SNX19: variants seen among roughly 807,000 people sequenced by gnomAD.
The protein encoded by SNX19 is sorting nexin-19.
A neutral mutation model predicts 85.2 loss-of-function variants in SNX19; 60 were observed. That is an observed-to-expected ratio of 0.70 (90% CI 0.57 to 0.87). SNX19 has a LOEUF of 0.87. Ranked by LOEUF, SNX19 falls within the 40% of genes least tolerant of loss-of-function variation. The probability of loss-of-function intolerance (pLI) is 0.00; values close to 1 mark genes in which losing one functional copy is unlikely to be tolerated. For missense variants in SNX19, 1,201 were observed against 1,217.8 expected (o/e 0.99, Z 0.21); for synonymous variants, 520 against 470.0 (o/e 1.11, Z -1.38).
At chr11:130,889,149 C>T (rs1944308905) in intron 8 of SNX19, among the ~76,000 whole-genome samples, 1 of 152,100 alleles carries the variant, frequency 6.6e-6, no homozygotes, top group Non-Finnish European at 1.5e-5. Flanking sequence ...ACAACCTCAG[C>T]TCCTTCTGAG....
In SNX19 at chr11:130,868,575, C is replaced by A. The variant is rs569181691; in HGVS notation, c.*9847G>T. 5 of 152,138 alleles carry A rather than the reference C, an allele frequency of 3.3e-5. No individual in the cohort carries two copies. Among genetic ancestry groups the A allele is most frequent in the Non-Finnish European group, 5.9e-5 (4 of 68,036 alleles). 9.4% of individuals were successfully genotyped at this position (152,138 alleles called of 1,614,324 possible). A position where few individuals can be genotyped will look rare whatever the true frequency, so the allele number is the denominator to read the frequency against. ...GCTAGCTGGTTACTGTAGCAACAGG[C>A]CTTCAAAGCTTCACATTTCAAATGG... On this transcript the variant is annotated 3_prime_UTR_variant, in exon 11 of 11. Transcript: ENST00000265909.
chr11:130,897,945 G>T (rs1007107186), intron 8 of SNX19, among the ~76,000 whole-genome samples: 4 of 152,176 alleles, frequency 2.6e-5, no homozygotes, highest in African/African-American at 9.7e-5. Flanking sequence ...TCCCAGCACA[G>T]AAGCTGACAC....
chr11:130,891,965 C>T lies in SNX19; in HGVS notation c.2574-11159G>A, dbSNP rs544933765. ...AAGTGATTCTCTTGCCTCAGCCTCC[C>T]GAGTACCTGGGACTAAGGGCATGCG... On this transcript the variant is annotated intron_variant, in intron 8 of 10. Coordinates refer to ENST00000265909, the MANE Select transcript of SNX19 (RefSeq NM_014758.3). Among the ~76,000 whole-genome samples, 21 of 151,694 alleles carry T rather than the reference C, an allele frequency of 1.4e-4. 1 individual carries two copies. The East Asian group carries it at 3.5e-3, about 25-fold the overall frequency.
At position 130,908,028 on chromosome 11, in the gene SNX19, G is replaced by A. The variant is rs904778130; in HGVS notation, c.2090C>T (p.Pro697Leu). 5 of 1,614,124 alleles carry A rather than the reference G, an allele frequency of 3.1e-6. No homozygotes were observed. The Admixed American group carries it at 5.0e-5, about 16-fold the overall frequency. Residue 697 changes from proline to leucine, a missense_variant, in exon 5 of 11, where the codon CCC (proline) becomes CTC (leucine). Pro to Leu is a moderately conservative substitution (Grantham distance 98). Transcript: ENST00000265909. ...TLKTAFPRSE[P>L]QSPTEELSEA... ...ACTCAGCTCCTCTGTGGGGCTCTGGGGTTCAGAGCGAGGAAACGCTGTCTT... is the reference window on the plus strand; with the variant it reads ...ACTCAGCTCCTCTGTGGGGCTCTGGAGTTCAGAGCGAGGAAACGCTGTCTT...
chr11:130,866,968 A>G lies in SNX19; in HGVS notation c.*11454T>C, dbSNP rs1416833776. The G allele has an allele frequency of 2.0e-5, 3 of 152,274 alleles. No homozygotes were observed. Among genetic ancestry groups the G allele is most frequent in the Non-Finnish European group, 4.4e-5 (3 of 68,076 alleles). The allele number at this position is 152,274 out of a possible 1,614,324, so 9.4% of individuals were successfully genotyped here. ...ACCCAATCTCTGTGAGGAAAGCTCT[A>G]TTCTTATGAGCATTTAATGGACAAG... On this transcript the variant is annotated 3_prime_UTR_variant, in exon 11 of 11. Coordinates refer to ENST00000265909, the MANE Select transcript of SNX19 (RefSeq NM_014758.3).
rs181175174 is a variant in SNX19, at chr11:130,876,437, C to G, written c.*1985G>C. 3.9e-5 allele frequency: 6 copies of G among 152,566 alleles called. No individual in the cohort carries two copies. Among genetic ancestry groups the G allele is most frequent in the African/African-American group, 1.2e-4 (5 of 41,374 alleles). The allele number at this position is 152,566 out of a possible 1,614,324, so 9.5% of individuals were successfully genotyped here. A position where few individuals can be genotyped will look rare whatever the true frequency, so the allele number is the denominator to read the frequency against. On this transcript the variant is annotated 3_prime_UTR_variant, in exon 11 of 11. Transcript: ENST00000265909. ...TAGAGGTGGGGACTCTTATATAATA[C>G]GAAATAAAAATAAGTTCTTTGGGCT... is the stretch of plus-strand genomic sequence containing the variant.
chr11:130,895,962 T>C (rs990572203), intron 8 of SNX19, among the ~76,000 whole-genome samples: 12 of 152,212 alleles, frequency 7.9e-5, no homozygotes, highest in African/African-American at 2.7e-4. Context: ...AGCTTCCCTT[T>C]GGCATGGCCT....
In SNX19 at chr11:130,875,384, T is replaced by C. The variant is rs1183361686; in HGVS notation, c.*3038A>G. 6.6e-6 allele frequency: 1 copy of C among 152,170 alleles called. No homozygotes were observed. Among genetic ancestry groups the C allele is most frequent in the Non-Finnish European group, 1.5e-5 (1 of 68,050 alleles). The allele number at this position is 152,170 out of a possible 1,614,324, so 9.4% of individuals were successfully genotyped here. A position where few individuals can be genotyped will look rare whatever the true frequency, so the allele number is the denominator to read the frequency against. On this transcript the variant is annotated 3_prime_UTR_variant, in exon 11 of 11. Transcript: ENST00000265909. Reference sequence around the variant, plus strand: ...ACGAGGAGTGGCTGTTCAATGGGTATAAACTTTTGGTTATGCAAGATGAAA... The same window carrying C: ...ACGAGGAGTGGCTGTTCAATGGGTACAAACTTTTGGTTATGCAAGATGAAA...
rs958557212 is a variant in SNX19, at chr11:130,871,803, T to C, written c.*6619A>G. ...CAGGGTGCAGCAGTAACATGGAACA[T>C]AAGGTGGGAAAAAAGACAAAAGTGT... On this transcript the variant is annotated 3_prime_UTR_variant, in exon 11 of 11. Transcript: ENST00000265909. Among the ~76,000 whole-genome samples the C allele has an allele frequency of 5.3e-5, 8 of 152,108 alleles. No homozygotes were observed. The highest frequency in any genetic ancestry group is 1.9e-4 in the African/African-American group (8 of 41,420).
At chr11:130,907,221 T>G (rs1375733333) in intron 5 of SNX19, among the ~76,000 whole-genome samples, 1 of 152,216 alleles carries the variant, frequency 6.6e-6, no homozygotes, top group East Asian at 1.9e-4. Flanking sequence ...CAGAGACTCA[T>G]AAGCAGAGGT....
At position 130,888,510 on chromosome 11, in the gene SNX19, A is replaced by G. The variant is rs186421547; in HGVS notation, c.2574-7704T>C. Among the ~76,000 whole-genome samples the G allele has an allele frequency of 5.1e-4, 78 of 152,304 alleles. No homozygotes were observed. The East Asian group carries it at 0.015, about 29-fold the overall frequency. On this transcript the variant is annotated intron_variant, in intron 8 of 10. Transcript: ENST00000265909. ...ATGGCAAAAACTTGTTGGAATCCAT[A>G]CACAATGTAACTACAACTGCATGCT...
intron 7 of SNX19, among the ~76,000 whole-genome samples, chr11:130,904,428 C>T (rs1945498340): frequency 6.6e-6 from 1 of 152,184 alleles, no homozygotes; most frequent in African/African-American, 2.4e-5. Flanking sequence ...CCTCTTAACC[C>T]TATATAATAC....
rs991331490 is a variant in SNX19, at chr11:130,872,089, C to T, written c.*6333G>A. ...CTGGGGGCTTTCACGGAAGCGCTTGCAGGTAAGGCTTGGAGAAGTGAAGAC... is the reference window on the plus strand; with the variant it reads ...CTGGGGGCTTTCACGGAAGCGCTTGTAGGTAAGGCTTGGAGAAGTGAAGAC... On this transcript the variant is annotated 3_prime_UTR_variant, in exon 11 of 11. Transcript: ENST00000265909. Among the ~76,000 whole-genome samples the T allele has an allele frequency of 5.3e-5, 8 of 152,102 alleles. No individual in the cohort carries two copies. The highest frequency in any genetic ancestry group is 1.9e-4 in the African/African-American group (8 of 41,402).
chr11:130,895,332 G>A (rs996230968), intron 8 of SNX19, among the ~76,000 whole-genome samples: 1 of 152,212 alleles, frequency 6.6e-6, no homozygotes, highest in Non-Finnish European at 1.5e-5. Flanking sequence ...TGGTCCCCCA[G>A]CACTGTTGAG....
At position 130,915,775 on chromosome 11, in the gene SNX19, C is replaced by T. The variant is rs150992363; in HGVS notation, c.165G>A (p.Ser55=). Residue 55 remains serine (S), a synonymous_variant, in exon 1 of 11, where the codon TCG becomes TCA. Transcript: ENST00000265909. ...LVNVWLLCLL[S]ALLVVLGGWL... ...ATCCTCCCAGCACCACTAGCAATGC[C>T]GACAGAAGGCACAGCAGCCACACGT... 1.2e-4 allele frequency: 189 copies of T among 1,614,008 alleles called. 1 individual carries two copies. In the South Asian group the frequency reaches 1.6e-3, roughly 14 times the overall value.
At position 130,915,317 on chromosome 11, in the gene SNX19, T is replaced by C; in HGVS notation, c.623A>G (p.Glu208Gly). ...PHPAVHSPSA[E>G]VTYTRGVVNL... Reference sequence around the variant, plus strand: ...CACAACGCCACGCGTATAGGTGACTTCAGCACTGGGGCTGTGCACAGCAGG... The same window carrying C: ...CACAACGCCACGCGTATAGGTGACTCCAGCACTGGGGCTGTGCACAGCAGG... The change falls in exon 1 of 11, where the codon GAA becomes GGA. Residue 208 changes from glutamate to glycine, a missense_variant. Around this residue, in one of 3 missense-constraint regions of SNX19, gnomAD observed 791 missense variants for 750.9 expected, o/e 1.05. Transcript: ENST00000265909. 6.2e-7 allele frequency: 1 copy of C among 1,614,174 alleles called. No individual in the cohort carries two copies. The highest frequency in any genetic ancestry group is 1.3e-5 in the African/African-American group (1 of 75,064).
intron 8 of SNX19, among the ~76,000 whole-genome samples, chr11:130,896,761 C>T (rs1944902627): frequency 6.6e-6 from 1 of 152,208 alleles, no homozygotes; most frequent in Non-Finnish European, 1.5e-5. Flanking sequence ...TACATAGCTG[C>T]TTTCCTGGTA....
At position 130,894,944 on chromosome 11, in the gene SNX19, C is replaced by T. The variant is rs531874221; in HGVS notation, c.2573+8311G>A. On this transcript the variant is annotated intron_variant, in intron 8 of 10. Coordinates refer to ENST00000265909, the MANE Select transcript of SNX19 (RefSeq NM_014758.3). ...CACTAGGCTATGATTTCTATTTCGA[C>T]AGTAACAGACAAAGGAAGTTAAGTG... The T allele has an allele frequency of 3.8e-4, 370 of 985,404 alleles. 3 individuals carry two copies. In the South Asian group the frequency reaches 0.015, roughly 40 times the overall value. The allele number at this position is 985,404 out of a possible 1,614,324, so 61.0% of individuals were successfully genotyped here.
intron 10 of SNX19, 65 bp downstream of exon 10, chr11:130,879,559 G>T: frequency 7.2e-7 from 1 of 1,387,648 alleles, no homozygotes; most frequent in Non-Finnish European, 1.0e-6. Flanking sequence ...CAGAAACCTT[G>T]GATACCTCTG....
Sources: gnomAD v4.1 joint callset for allele counts (sites outside exome capture counted in the v4.1 genomes callset) on GRCh38, gnomAD v4.1.1 for gene constraint, gnomAD v4.1.1 regional missense constraint, MANE v1.5 for transcripts, NCBI Gene and HGNC (gene_info 2026-07-23, HGNC 2026-07-21) for gene names.